SGCZ: variants seen among roughly 807,000 people sequenced by gnomAD.
The protein encoded by SGCZ is sarcoglycan zeta, also known as zeta-sarcoglycan.
A neutral mutation model predicts 41.3 loss-of-function variants in SGCZ; 40 were observed. That is an observed-to-expected ratio of 0.97 (90% CI 0.75 to 1.26). The LOEUF is 1.26. Ranked by LOEUF, SGCZ falls within the 50% of genes most tolerant of loss-of-function variation. The probability of loss-of-function intolerance (pLI) is 0.00; values close to 1 mark genes in which losing one functional copy is unlikely to be tolerated. For missense variants in SGCZ, 552 were observed against 369.8 expected (o/e 1.49, Z -4.04); for synonymous variants, 206 against 137.5 (o/e 1.50, Z -3.49).
intron 2 of SGCZ, among the ~76,000 whole-genome samples, chr8:14,492,023 T>C (rs919556621): frequency 2.6e-5 from 4 of 152,184 alleles, no homozygotes; most frequent in African/African-American, 7.2e-5. Flanking sequence ...TTAATGTTTG[T>C]AAAAATTAAT....
intron 2 of SGCZ, among the ~76,000 whole-genome samples, chr8:14,497,450 C>T (rs11991116): frequency 0.47 from 71,878 of 151,934 alleles, 17,098 homozygotes; most frequent in Admixed American, 0.54. Flanking sequence ...TTGACTCACA[C>T]CCTGCAGGCT....
chr8:14,911,472 T>C (rs1799278514), intron 1 of SGCZ, among the ~76,000 whole-genome samples: 1 of 152,056 alleles, frequency 6.6e-6, no homozygotes, highest in Non-Finnish European at 1.5e-5. Context: ...AAAAAATATA[T>C]AGCTTCGTGT....
intron 1 of SGCZ, among the ~76,000 whole-genome samples, chr8:15,153,544 GT>G (rs1220701775): frequency 6.6e-6 from 1 of 152,136 alleles, no homozygotes; most frequent in Non-Finnish European, 1.5e-5. Context: ...GTGGGGCCGG[GT>G]AGAAGGTATT....
chr8:14,140,186 C>G (rs924256687), intron 5 of SGCZ, among the ~76,000 whole-genome samples: 1 of 152,144 alleles, frequency 6.6e-6, no homozygotes. Context: ...ATAATAAGAG[C>G]TATTTATGAC....
At chr8:14,590,696 T>C (rs1202462833) in intron 1 of SGCZ, among the ~76,000 whole-genome samples, 1 of 148,862 alleles carries the variant, frequency 6.7e-6, no homozygotes, top group Non-Finnish European at 1.5e-5. Flanking sequence ...AGTACATATA[T>C]ATGTATAAAC....
At chr8:14,712,285 C>A (rs933680215) in intron 1 of SGCZ, among the ~76,000 whole-genome samples, 1 of 152,190 alleles carries the variant, frequency 6.6e-6, no homozygotes, top group Admixed American at 6.5e-5. Context: ...TGCAGGCTGG[C>A]GCTGCCTGGT....
chr8:14,758,851 AT>A (rs1338700943), intron 1 of SGCZ, among the ~76,000 whole-genome samples: 2 of 152,084 alleles, frequency 1.3e-5, no homozygotes, highest in African/African-American at 4.8e-5. Context: ...TCTACTAAAA[AT>A]ACAAAATTAA....
chr8:14,786,015 T>G (rs1800755534), intron 1 of SGCZ, among the ~76,000 whole-genome samples: 1 of 133,458 alleles, frequency 7.5e-6, no homozygotes, highest in African/African-American at 3.6e-5. Context: ...AAATTTCTGT[T>G]TAGAGATATA....
At chr8:14,309,100 T>A in intron 3 of SGCZ, 1 of 1,453,984 alleles carries the variant, frequency 6.9e-7, no homozygotes, top group South Asian at 1.1e-5. Flanking sequence ...ATCAGGAGGT[T>A]GCTAACCCAG....
chr8:15,132,038 C>A (rs1455947556), intron 1 of SGCZ, among the ~76,000 whole-genome samples: 1 of 152,180 alleles, frequency 6.6e-6, no homozygotes, highest in Non-Finnish European at 1.5e-5. Context: ...AATCATAATT[C>A]TTTCAATGCA....
At chr8:14,632,962 G>C (rs2117402940) in intron 1 of SGCZ, among the ~76,000 whole-genome samples, 1 of 151,810 alleles carries the variant, frequency 6.6e-6, no homozygotes, top group South Asian at 2.1e-4. Context: ...CTTTTTGCTT[G>C]TTAATAAGTG....
chr8:15,195,986 C>T (rs1433185027), intron 1 of SGCZ, among the ~76,000 whole-genome samples: 2 of 130,980 alleles, frequency 1.5e-5, no homozygotes, highest in East Asian at 2.0e-4. Context: ...CAAGCTCCGC[C>T]TCCCGGGTTC....
chr8:14,732,880 G>A (rs1029306975), intron 1 of SGCZ, among the ~76,000 whole-genome samples: 1 of 152,044 alleles, frequency 6.6e-6, no homozygotes, highest in Non-Finnish European at 1.5e-5. Flanking sequence ...GAATGGCCTG[G>A]TAATGATGTC....
chr8:14,482,982 A>G (rs1428528489), intron 2 of SGCZ, among the ~76,000 whole-genome samples: 2 of 151,936 alleles, frequency 1.3e-5, no homozygotes, highest in Non-Finnish European at 2.9e-5. Flanking sequence ...TACACCATAT[A>G]TCTTTATACA....
At chr8:14,629,005 C>T (rs1806555337) in intron 1 of SGCZ, among the ~76,000 whole-genome samples, 1 of 152,036 alleles carries the variant, frequency 6.6e-6, no homozygotes, top group South Asian at 2.1e-4. Flanking sequence ...AGGATGTTTG[C>T]AAAAGAACCA....
At chr8:14,394,008 A>G (rs1804884216) in intron 2 of SGCZ, among the ~76,000 whole-genome samples, 1 of 152,110 alleles carries the variant, frequency 6.6e-6, no homozygotes, top group African/African-American at 2.4e-5. Flanking sequence ...CCTTTTCTTG[A>G]AAGTAACTGT....
At chr8:15,065,846 G>C (rs970497907) in intron 1 of SGCZ, among the ~76,000 whole-genome samples, 1 of 152,126 alleles carries the variant, frequency 6.6e-6, no homozygotes, top group African/African-American at 2.4e-5. Context: ...GCACGTGGTA[G>C]GGCCTTAATA....
chr8:14,225,218 A>G (rs1287871503), intron 4 of SGCZ, among the ~76,000 whole-genome samples: 1 of 152,136 alleles, frequency 6.6e-6, no homozygotes, highest in African/African-American at 2.4e-5. Flanking sequence ...GTGGTTTAAG[A>G]AGGTTACTCA....
chr8:14,846,137 G>C (rs2130639673), intron 1 of SGCZ, among the ~76,000 whole-genome samples: 1 of 152,064 alleles, frequency 6.6e-6, no homozygotes, highest in Middle Eastern at 3.4e-3. Flanking sequence ...ATACAGTAAG[G>C]TAGTCAGTAC....
Sources: allele counts gnomAD v4.1 joint callset (sites outside exome capture counted in the v4.1 genomes callset), GRCh38; gene constraint gnomAD v4.1.1; transcripts MANE v1.5; gene names NCBI Gene and HGNC (gene_info 2026-07-23, HGNC 2026-07-21).